The following MYBPH variants were observed in gnomAD, a reference collection of about 807,000 sequenced individuals.
MYBPH encodes myosin-binding protein H.
A neutral mutation model predicts 53.6 loss-of-function variants in MYBPH; 49 were observed. The ratio of observed to expected loss-of-function variants is 0.91; its 90% CI spans 0.73 to 1.16. The LOEUF (loss-of-function observed/expected upper bound fraction) is 1.16. MYBPH is among the 50% of genes most tolerant of loss of function. MYBPH has a pLI of 0.00. For synonymous variants in MYBPH, 239 were observed against 249.6 expected, an observed-to-expected ratio of 0.96 and a Z score of 0.40; for missense variants, 558 against 624.1, an observed-to-expected ratio of 0.89 and a Z score of 1.13.
rs1167034634 is a variant in MYBPH at position 203,170,300 on chromosome 1, G to T, written c.1084C>A (p.Gln362Lys). The T allele has an allele frequency of 1.2e-6, 2 of 1,614,134 alleles. No homozygotes were observed. Among genetic ancestry groups the T allele is most frequent in the South Asian group, 1.1e-5 (1 of 91,062 alleles). ...ATVTKELAHI[Q>K]KADIAAKPKG... is the part of the protein sequence containing the mutation. ...CCGGGCCCAAACCCACCTGCCTTCT[G>T]GATGTGGGCGAGCTCCTTGGTGACG... Residue 362 changes from glutamine (Q) to lysine (K), a missense_variant, in exon 7 of 11, where the codon CAG becomes AAG. Gln to Lys is a moderately conservative substitution (Grantham distance 53). Coordinates refer to ENST00000255416, the MANE Select transcript of MYBPH (RefSeq NM_004997.3).
chr1:203,173,183 C>T (rs1407012439), intron 3 of MYBPH, among the ~76,000 whole-genome samples: 1 of 152,204 alleles, frequency 6.6e-6, no homozygotes, highest in Admixed American at 6.5e-5. Flanking sequence ...TGGCTGGGTC[C>T]ATCAATGCTG....
At chr1:203,170,516 G>T (rs1655674978) in intron 6 of MYBPH, 66 bp from the exon 7 acceptor site, 21 of 1,566,952 alleles carry the variant, frequency 1.3e-5, no homozygotes, top group Non-Finnish European at 1.8e-5. Flanking sequence ...TTACCCTGGA[G>T]ACCTTTCCTC....
At chr1:203,169,136 G>A (rs199990938) in intron 8 of MYBPH, 44 bp from the exon 9 acceptor site, 33 of 1,604,060 alleles carry the variant, frequency 2.1e-5, no homozygotes, top group South Asian at 1.3e-4. Context: ...TATGGACTGG[G>A]GCGGGGCTCT....
In MYBPH at chr1:203,175,379, C is replaced by A; in HGVS notation, c.288G>T (p.Arg96Ser). 6.5e-7 allele frequency: 1 copy of A among 1,532,506 alleles called. No individual in the cohort carries two copies. Among genetic ancestry groups the A allele is most frequent in the Non-Finnish European group, 8.7e-7 (1 of 1,142,966 alleles). The allele number at this position is 1,532,506 out of a possible 1,614,324, so 94.9% of individuals were successfully genotyped here. The change falls in exon 2 of 11, where the codon AGG becomes AGT. Residue 96 changes from arginine to serine, a missense_variant. Physicochemically the swap from Arg to Ser is moderately radical, Grantham distance 110. Coordinates refer to ENST00000255416, the MANE Select transcript of MYBPH (RefSeq NM_004997.3). ...AGCCCTGGAGGCCCAGCCTCCCCAG[C>A]CTCTCTGGGGGCTCCCAGCTCACAG... ...SVTVSWEPPERLGRLGLQGYV... is the reference protein window; with the variant it reads ...SVTVSWEPPESLGRLGLQGYV...
chr1:203,175,829 C>G, upstream of MYBPH: 3 of 1,480,240 alleles, frequency 2.0e-6, no homozygotes, highest in Non-Finnish European at 2.8e-6. Flanking sequence ...TCTAGGGTGC[C>G]TGGGACACCT....
In MYBPH at chr1:203,169,067, T is replaced by A. The variant is rs748581718; in HGVS notation, c.1256A>T (p.Lys419Met). 5.0e-6 allele frequency: 8 copies of A among 1,613,868 alleles called. No individual in the cohort carries two copies. Among genetic ancestry groups the A allele is most frequent in the Non-Finnish European group, 6.8e-6 (8 of 1,180,026 alleles). ...TTTGGGGTTGCCCTGGATCTCCATC[T>A]TGTTTTTCATCCAGATGATCTTGGG... ...PKPKIIWMKN[K>M]MEIQGNPKYR... is the part of the protein sequence containing the mutation. The change falls in exon 9 of 11, where the codon AAG (lysine) becomes ATG (methionine). Residue 419 changes from lysine to methionine, a missense_variant. Physicochemically the swap from Lys to Met is moderately conservative, Grantham distance 95. Transcript: ENST00000255416.
In MYBPH at chr1:203,171,323, G is replaced by C; in HGVS notation, c.793+60C>G. The stretch of plus-strand genomic sequence containing the variant: ...TGCTCCCATCAGCCATCAGCTCTGG[G>C]ATAGGAGGTTGGGGGCTCCAGGTCC... On this transcript the variant is annotated intron_variant, in intron 5 of 10. Coordinates refer to ENST00000255416, the MANE Select transcript of MYBPH (RefSeq NM_004997.3). The surrounding 1 kb of genome is among the most constrained non-coding windows in gnomAD (Gnocchi z 4.2). 6.3e-7 allele frequency: 1 copy of C among 1,575,008 alleles called. No homozygotes were observed. The highest frequency in any genetic ancestry group is 8.6e-7 in the Non-Finnish European group (1 of 1,157,574).
rs542469655 is a variant in MYBPH at position 203,169,444 on chromosome 1, C to A, written c.1094-55G>T. The A allele has an allele frequency of 3.7e-5, 57 of 1,545,438 alleles. 2 individuals carry two copies. The African/African-American group carries it at 6.4e-4, about 17-fold the overall frequency. ...CTGAGCTTACAGGAGTGAGGGAGAC[C>A]TGTCAGGACTGACTATGATTCAAGA... On this transcript the variant is annotated intron_variant, in intron 7 of 10. Transcript: ENST00000255416.
In MYBPH at chr1:203,169,302, G is replaced by A. The variant is rs1443832593; in HGVS notation, c.1181C>T (p.Thr394Ile). ...FTQPLADHTS[T>I]PGYSTQLFCS... The stretch of plus-strand genomic sequence containing the variant: ...GAACAACTGGGTGCTGTAGCCAGGG[G>A]TGGAGGTGTGGTCAGCCAGGGGCTG... The change falls in exon 8 of 11, where the codon ACC (threonine) becomes ATC (isoleucine). Residue 394 changes from threonine to isoleucine, a missense_variant. Transcript: ENST00000255416. 1.5e-5 allele frequency: 25 copies of A among 1,613,586 alleles called. No homozygotes were observed. The highest frequency in any genetic ancestry group is 2.1e-5 in the Non-Finnish European group (25 of 1,179,810).
chr1:203,168,784 C>A, intron 9 of MYBPH, 109 bp from the exon 10 acceptor site: 2 of 1,589,050 alleles, frequency 1.3e-6, no homozygotes, highest in Admixed American at 1.7e-5. Flanking sequence ...GGAAAGTAAT[C>A]AGCACAGCCT....
intron 3 of MYBPH, among the ~76,000 whole-genome samples, chr1:203,173,139 A>G (rs918267040): frequency 3.3e-5 from 5 of 152,132 alleles, no homozygotes; most frequent in African/African-American, 1.2e-4. Flanking sequence ...CTCTCCTGCC[A>G]GAGGAATTTG....
chr1:203,168,998 C>T lies in MYBPH; in HGVS notation c.1325G>A (p.Arg442Gln), dbSNP rs200321886. The change falls in exon 9 of 11, where the codon CGG becomes CAG. Residue 442 changes from arginine to glutamine, a missense_variant. Transcript: ENST00000255416. ...SEQGVCTLEIRKPSPFDSGVY... is the reference protein window; with the variant it reads ...SEQGVCTLEIQKPSPFDSGVY... ...CCCAGAATCAAAGGGGCTGGGTTTC[C>T]GGATCTCTAGGGTGCAGACGCCTTG... The T allele has an allele frequency of 2.0e-5, 32 of 1,613,866 alleles. No homozygotes were observed. Among genetic ancestry groups the T allele is most frequent in the Middle Eastern group, 1.6e-4 (1 of 6,062 alleles).
upstream of MYBPH, among the ~76,000 whole-genome samples, chr1:203,178,485 T>C (rs1571825467): frequency 6.6e-6 from 1 of 152,120 alleles, no homozygotes; most frequent in Non-Finnish European, 1.5e-5. Context: ...GAAGGGTGCA[T>C]GAGATGACAT....
At position 203,168,890 on chromosome 1, in the gene MYBPH, G is replaced by C. The variant is rs376342161; in HGVS notation, c.1417+16C>G. On this transcript the variant is annotated intron_variant, in intron 9 of 10. Coordinates refer to ENST00000255416, the MANE Select transcript of MYBPH (RefSeq NM_004997.3). Reference sequence around the variant, plus strand: ...GAGAGGTGCTTACTCCTGTTCTCCCGTCCTCAAACTCTCACCTTTGACCTC... The same window carrying C: ...GAGAGGTGCTTACTCCTGTTCTCCCCTCCTCAAACTCTCACCTTTGACCTC... 6.2e-7 allele frequency: 1 copy of C among 1,613,172 alleles called. No homozygotes were observed. Among genetic ancestry groups the C allele is most frequent in the Admixed American group, 1.7e-5 (1 of 59,928 alleles).
Sources: gnomAD v4.1 joint callset for allele counts (sites outside exome capture counted in the v4.1 genomes callset) on GRCh38, gnomAD v4.1.1 for gene constraint, Gnocchi (gnomAD v3.1) non-coding constraint, MANE v1.5 for transcripts, NCBI Gene and HGNC (gene_info 2026-07-23, HGNC 2026-07-21) for gene names.